MAST4: variants seen among roughly 807,000 people sequenced by gnomAD.
MAST4 encodes the protein microtubule associated serine/threonine kinase family member 4.
MAST4 carries 89 observed loss-of-function variants against 162.7 expected under a neutral mutation model. The ratio of observed to expected loss-of-function variants is 0.55; its 90% CI spans 0.46 to 0.65. The LOEUF (loss-of-function observed/expected upper bound fraction) is 0.65, where lower values mean the gene tolerates loss of function less well. Among genes scored for constraint, MAST4 ranks in the 30% least tolerant of loss-of-function variants. The probability of loss-of-function intolerance (pLI) is 0.00; values close to 1 mark genes in which losing one functional copy is unlikely to be tolerated. For missense variants in MAST4, 3,153 were observed against 3,374.0 expected (o/e 0.93, Z 1.62); for synonymous variants, 1,479 against 1,361.1 (o/e 1.09, Z -1.91).
intron 1 of MAST4, among the ~76,000 whole-genome samples, chr5:66,609,058 T>C (rs1743100146): frequency 6.6e-6 from 1 of 151,616 alleles, no homozygotes; most frequent in African/African-American, 2.4e-5. Flanking sequence ...TTAGATTTTT[T>C]TTTTTTTTTT....
intron 3 of MAST4, among the ~76,000 whole-genome samples, chr5:66,840,223 G>T (rs534233788): frequency 2.6e-5 from 4 of 152,004 alleles, no homozygotes; most frequent in African/African-American, 4.8e-5. Flanking sequence ...TAGAAGCTAG[G>T]TCTAGAAATA....
chr5:66,809,718 C>T (rs1274835506), intron 3 of MAST4, among the ~76,000 whole-genome samples: 4 of 152,130 alleles, frequency 2.6e-5, no homozygotes, highest in East Asian at 1.9e-4. Context: ...AAAAAAACTA[C>T]GTACAATTAA....
At chr5:67,095,809 G>C in intron 7 of MAST4, 134 bp downstream of exon 7, 1 of 565,500 alleles carries the variant, frequency 1.8e-6, no homozygotes. Context: ...CTGAATAAGT[G>C]ACACATCAAA....
intron 3 of MAST4, among the ~76,000 whole-genome samples, chr5:66,847,714 G>A (rs2149803107): frequency 6.6e-6 from 1 of 150,948 alleles, no homozygotes; most frequent in South Asian, 2.1e-4. Flanking sequence ...CCAGCTACTT[G>A]GGAGGCTGAG....
chr5:67,032,377 T>G (rs1040573966), intron 4 of MAST4, among the ~76,000 whole-genome samples: 1 of 152,186 alleles, frequency 6.6e-6, no homozygotes, highest in African/African-American at 2.4e-5. Flanking sequence ...TTATCTTTTC[T>G]CATTTTTATT....
At chr5:66,816,039 T>C (rs749938224) in intron 3 of MAST4, among the ~76,000 whole-genome samples, 19 of 152,196 alleles carry the variant, frequency 1.2e-4, no homozygotes, top group Non-Finnish European at 2.5e-4. Flanking sequence ...TCACTGAACT[T>C]CAATTTTAGA....
chr5:66,783,570 G>T (rs1170908665), intron 2 of MAST4, among the ~76,000 whole-genome samples: 1 of 152,206 alleles, frequency 6.6e-6, no homozygotes, highest in African/African-American at 2.4e-5. Context: ...GGACAGATCA[G>T]TTACTGGATG....
intron 1 of MAST4, chr5:66,662,430 A>G (rs898522323): frequency 2.6e-5 from 4 of 152,162 alleles, no homozygotes; most frequent in African/African-American, 7.2e-5. Context: ...TTCATTTCAC[A>G]TTTCCATCAT....
chr5:66,608,540 G>T (rs1743059521), intron 1 of MAST4, among the ~76,000 whole-genome samples: 1 of 151,810 alleles, frequency 6.6e-6, no homozygotes, highest in African/African-American at 2.4e-5. Flanking sequence ...TATTTGGTAT[G>T]TCTCTGTCAG....
rs756857458 is a variant in MAST4 at position 67,163,120 on chromosome 5, T to C, written c.3968-27T>C. ...AAAAGGGGAAAATGACCATGGATGC[T>C]CACAGCCTTCTGTTTTCCATCCACA... On this transcript the variant is annotated intron_variant, in intron 28 of 28. Transcript: ENST00000403625. The surrounding 1 kb of genome is among the most constrained non-coding windows in gnomAD (Gnocchi z 7.0). 1.3e-6 allele frequency: 2 copies of C among 1,579,928 alleles called. No homozygotes were observed. Among genetic ancestry groups the C allele is most frequent in the South Asian group, 1.1e-5 (1 of 87,542 alleles).
chr5:66,801,948 T>C (rs1464135425), intron 3 of MAST4, among the ~76,000 whole-genome samples: 1 of 152,198 alleles, frequency 6.6e-6, no homozygotes, highest in Non-Finnish European at 1.5e-5. Flanking sequence ...CAAATAAAAT[T>C]GGTTCCTTAG....
chr5:66,643,016 G>C (rs1745586730), intron 1 of MAST4, among the ~76,000 whole-genome samples: 2 of 152,096 alleles, frequency 1.3e-5, no homozygotes, highest in South Asian at 4.1e-4. Context: ...ACGAATTTCA[G>C]AACATGGACC....
chr5:66,785,801 A>C (rs1216790069), intron 2 of MAST4, among the ~76,000 whole-genome samples: 1 of 152,208 alleles, frequency 6.6e-6, no homozygotes, highest in African/African-American at 2.4e-5. Flanking sequence ...AGAAAAGAAT[A>C]AACTTATTTC....
intron 1 of MAST4, among the ~76,000 whole-genome samples, chr5:66,738,625 G>C (rs1752302681): frequency 6.6e-6 from 1 of 152,176 alleles, no homozygotes; most frequent in Admixed American, 6.5e-5. Context: ...AATATAGCAG[G>C]AGCAGGTGAA....
chr5:66,773,741 G>T (rs1044421318), intron 2 of MAST4, among the ~76,000 whole-genome samples: 4 of 152,198 alleles, frequency 2.6e-5, no homozygotes, highest in African/African-American at 9.6e-5. Flanking sequence ...GCAACAAGAA[G>T]GCCCTCACCA....
At chr5:66,922,721 A>G (rs1764621425) in intron 4 of MAST4, among the ~76,000 whole-genome samples, 2 of 152,236 alleles carry the variant, frequency 1.3e-5, no homozygotes, top group South Asian at 4.1e-4. Context: ...TGTCAAAGTA[A>G]TGGAAAATAA....
chr5:67,048,132 CTCT>C (rs1757602945), intron 4 of MAST4, among the ~76,000 whole-genome samples: 1 of 152,060 alleles, frequency 6.6e-6, no homozygotes, highest in South Asian at 2.1e-4. Context: ...CAAATATAGC[CTCT>C]TATCAAAGAC....
chr5:67,023,324 AT>A (rs1754224988), intron 4 of MAST4, among the ~76,000 whole-genome samples: 1 of 152,194 alleles, frequency 6.6e-6, no homozygotes, highest in Non-Finnish European at 1.5e-5. Context: ...TTCAGATAAT[AT>A]CCCTCATCTT....
intron 4 of MAST4, among the ~76,000 whole-genome samples, chr5:66,995,463 G>A (rs1417271561): frequency 6.6e-6 from 1 of 152,136 alleles, no homozygotes; most frequent in Admixed American, 6.5e-5. Flanking sequence ...GAGTGCAGTG[G>A]TGTGATCTTT....
Sources: allele counts gnomAD v4.1 joint callset (sites outside exome capture counted in the v4.1 genomes callset), GRCh38; gene constraint gnomAD v4.1.1; non-coding constraint Gnocchi (gnomAD v3.1); transcripts MANE v1.5; gene names NCBI Gene and HGNC (gene_info 2026-07-23, HGNC 2026-07-21).